PELI1: variants seen among roughly 807,000 people sequenced by gnomAD.
The protein encoded by PELI1 is pellino E3 ubiquitin protein ligase 1, also known as E3 ubiquitin-protein ligase pellino homolog 1.
In PELI1, 15 loss-of-function variants were observed where a neutral mutation model predicts 41.3. The ratio of observed to expected loss-of-function variants is 0.36; its 90% CI spans 0.24 to 0.56. The LOEUF is 0.56. Among genes scored for constraint, PELI1 ranks in the 20% least tolerant of loss-of-function variants. The pLI is 0.82. For synonymous variants in PELI1, 178 were observed against 180.1 expected, an observed-to-expected ratio of 0.99 and a Z score of 0.09; for missense variants, 403 against 525.5, an observed-to-expected ratio of 0.77 and a Z score of 2.28.
At chr2:64,100,738 T>C (rs1041046165) in intron 3 of PELI1, among the ~76,000 whole-genome samples, 9 of 152,172 alleles carry the variant, frequency 5.9e-5, no homozygotes, top group African/African-American at 1.9e-4. Flanking sequence ...TTCTTTCTTT[T>C]TTTTTAAAGA....
At chr2:64,117,854 G>A (rs1681052476) in intron 1 of PELI1, among the ~76,000 whole-genome samples, 1 of 151,644 alleles carries the variant, frequency 6.6e-6, no homozygotes, top group African/African-American at 2.4e-5. Flanking sequence ...CTGTTGCCCA[G>A]GCTGGAGTGG....
chr2:64,122,731 G>GT (rs971195704), intron 1 of PELI1, among the ~76,000 whole-genome samples: 4 of 152,124 alleles, frequency 2.6e-5, no homozygotes, highest in African/African-American at 9.7e-5. Context: ...AACATGCCCA[G>GT]TTTTTTACTT....
At chr2:64,128,014 A>G (rs901976058) in intron 1 of PELI1, among the ~76,000 whole-genome samples, 1 of 152,178 alleles carries the variant, frequency 6.6e-6, no homozygotes, top group Non-Finnish European at 1.5e-5. Flanking sequence ...GTTCCCTTTC[A>G]GGCAATTTCA....
At chr2:64,117,355 T>G (rs1576087513) in intron 1 of PELI1, among the ~76,000 whole-genome samples, 1 of 152,276 alleles carries the variant, frequency 6.6e-6, no homozygotes, top group South Asian at 2.1e-4. Context: ...ATTTTTTTTT[T>G]TTTACCACTC....
intron 1 of PELI1, among the ~76,000 whole-genome samples, chr2:64,138,529 C>T (rs1396809409): frequency 1.3e-5 from 2 of 152,130 alleles, no homozygotes; most frequent in African/African-American, 2.4e-5. Flanking sequence ...GAGTTTCAGA[C>T]CGGTCCGGCC....
chr2:64,143,982 C>T (rs1423931253), intron 1 of PELI1, 99 bp downstream of exon 1: 9 of 151,294 alleles, frequency 5.9e-5, no homozygotes, highest in Admixed American at 5.9e-4. Context: ...GGCTGCTGGC[C>T]GCCGGGGAAG....
In PELI1 at chr2:64,130,053, A is replaced by G. The variant is rs190337803; in HGVS notation, c.-70+14028T>C. Among the ~76,000 whole-genome samples, 46 of 152,342 alleles carry G rather than the reference A, an allele frequency of 3.0e-4. No homozygotes were observed. In the East Asian group the frequency reaches 8.3e-3, roughly 27 times the overall value. On this transcript the variant is annotated intron_variant, in intron 1 of 6. Transcript: ENST00000358912. Reference sequence around the variant, plus strand: ...CTCATTTGATGTGTCCCAATAAGCTATGTGACTTTTGATTTTGAGATTTTG... The same window carrying G: ...CTCATTTGATGTGTCCCAATAAGCTGTGTGACTTTTGATTTTGAGATTTTG...
intron 1 of PELI1, among the ~76,000 whole-genome samples, chr2:64,119,500 CTGTT>C (rs1681133805): frequency 1.3e-5 from 2 of 152,224 alleles, no homozygotes; most frequent in African/African-American, 4.8e-5. Context: ...AGCTGGCTGT[CTGTT>C]CACAGTTCTT....
intron 5 of PELI1, 38 bp downstream of exon 5, chr2:64,096,375 T>C (rs757028854): frequency 6.3e-7 from 1 of 1,596,076 alleles, no homozygotes; most frequent in East Asian, 2.2e-5. Flanking sequence ...TGAAAGCTAG[T>C]ATAAAAGAAA....
intron 3 of PELI1, among the ~76,000 whole-genome samples, chr2:64,102,155 C>T (rs1680460186): frequency 6.6e-6 from 1 of 152,046 alleles, no homozygotes; most frequent in African/African-American, 2.4e-5. Context: ...AATTAAACTA[C>T]AGATACAATT....
rs1413681045 is a variant in PELI1, at chr2:64,104,838, G to T, written c.72-8C>A. 1 of 1,601,632 alleles carries T rather than the reference G, an allele frequency of 6.2e-7. No individual in the cohort carries two copies. Among genetic ancestry groups the T allele is most frequent in the African/African-American group, 1.4e-5 (1 of 73,836 alleles). ...GGGAGAGACCCATTATACCTGATGG[G>T]GGAAAAAAAGTATAGGTGATCTCTT... is the stretch of plus-strand genomic sequence containing the variant. On this transcript the variant is annotated splice_region_variant and splice_polypyrimidine_tract_variant and intron_variant, in intron 2 of 6. Coordinates refer to ENST00000358912, the MANE Select transcript of PELI1 (RefSeq NM_020651.4).
At chr2:64,140,107 CAGA>C (rs1045208030) in intron 1 of PELI1, among the ~76,000 whole-genome samples, 6 of 152,226 alleles carry the variant, frequency 3.9e-5, no homozygotes, top group African/African-American at 1.2e-4. Context: ...AAAGAAACTG[CAGA>C]AGATGGTGGG....
intron 1 of PELI1, among the ~76,000 whole-genome samples, chr2:64,139,943 T>C (rs1049707726): frequency 2.6e-5 from 4 of 152,246 alleles, no homozygotes; most frequent in Non-Finnish European, 5.9e-5. Context: ...AAAAGTGTAC[T>C]ATCCCTAAAA....
Position 64,144,230 on chromosome 2 carries a change from G to C in PELI1, c.-219C>G, listed in dbSNP as rs1682031078. The C allele has an allele frequency of 6.6e-6, 1 of 152,328 alleles. No homozygotes were observed. The highest frequency in any genetic ancestry group is 1.5e-5 in the Non-Finnish European group (1 of 68,136). The allele number at this position is 152,328 out of a possible 1,614,324, so 9.4% of individuals were successfully genotyped here. On this transcript the variant is annotated 5_prime_UTR_variant, in exon 1 of 7. Coordinates refer to ENST00000358912, the MANE Select transcript of PELI1 (RefSeq NM_020651.4). ...CAGCCGAGCCCAGCGAGGGGAAGTT[G>C]ACCACGGAGCCGAGCGCTGAGGAGC...
intron 3 of PELI1, among the ~76,000 whole-genome samples, chr2:64,103,915 G>T (rs1680531375): frequency 6.6e-6 from 1 of 152,102 alleles, no homozygotes; most frequent in South Asian, 2.1e-4. Flanking sequence ...TAAATTCTTT[G>T]TAACACAAAG....
At chr2:64,120,206 C>A (rs1681161388) in intron 1 of PELI1, among the ~76,000 whole-genome samples, 1 of 152,210 alleles carries the variant, frequency 6.6e-6, no homozygotes, top group Non-Finnish European at 1.5e-5. Flanking sequence ...TACATACTGA[C>A]ATGTGCTGTT....
At position 64,108,304 on chromosome 2, in the gene PELI1, A is replaced by C. The variant is rs751730308; in HGVS notation, c.7T>G (p.Ser3Ala). ...GATGGATGATTTTCTTGATCAGGAG[A>C]AAACATGAGCTTGGCTGTCTTTCTC... is the stretch of plus-strand genomic sequence containing the variant. The part of the protein sequence containing the change: MF[S>A]PDQENHPSKA... The change falls in exon 2 of 7, where the codon TCT (serine) becomes GCT (alanine). Residue 3 changes from serine (S) to alanine (A), a missense_variant. By Grantham distance (99) the Ser-to-Ala change is moderately conservative. Coordinates refer to ENST00000358912, the MANE Select transcript of PELI1 (RefSeq NM_020651.4). 3.1e-6 allele frequency: 5 copies of C among 1,601,258 alleles called. No homozygotes were observed. The highest frequency in any genetic ancestry group is 4.3e-6 in the Non-Finnish European group (5 of 1,168,484).
At chr2:64,143,796 C>G (rs964897518) in intron 1 of PELI1, among the ~76,000 whole-genome samples, 5 of 152,076 alleles carry the variant, frequency 3.3e-5, no homozygotes, top group Admixed American at 3.3e-4. Context: ...GAGCGCGCGG[C>G]CAGCCAGGCG....
rs144317245 is a variant in PELI1, at chr2:64,108,200, A to T, written c.71+40T>A. 3.6e-4 allele frequency: 398 copies of T among 1,116,930 alleles called. 5 individuals carry two copies. The Middle Eastern group carries it at 7.8e-3, about 22-fold the overall frequency. The allele number at this position is 1,116,930 out of a possible 1,614,324, so 69.2% of individuals were successfully genotyped here. On this transcript the variant is annotated intron_variant, in intron 2 of 6. Transcript: ENST00000358912. ...AGCCTAGATGCCAAAGTTAGCATAT[A>T]TTATTAAACTGTGTGTGTCATCAAA...
Sources: gnomAD v4.1 joint callset for allele counts (sites outside exome capture counted in the v4.1 genomes callset) on GRCh38, gnomAD v4.1.1 for gene constraint, MANE v1.5 for transcripts, NCBI Gene and HGNC (gene_info 2026-07-23, HGNC 2026-07-21) for gene names.